The following HAT1 variants were observed in gnomAD, a reference collection of about 807,000 sequenced individuals.
The protein encoded by HAT1 is histone acetyltransferase type B catalytic subunit.
HAT1 carries 20 observed loss-of-function variants against 56.6 expected under a neutral mutation model. That is an observed-to-expected ratio of 0.35 (90% CI 0.25 to 0.51). HAT1 has a LOEUF of 0.51. Ranked by LOEUF, HAT1 falls within the 20% of genes least tolerant of loss-of-function variation. The probability of loss-of-function intolerance (pLI) is 0.95; values close to 1 mark genes in which losing one functional copy is unlikely to be tolerated. For missense variants in HAT1, 408 were observed against 504.3 expected, an observed-to-expected ratio of 0.81 and a Z score of 1.83; for synonymous variants, 146 against 165.5, an observed-to-expected ratio of 0.88 and a Z score of 0.91.
intron 1 of HAT1, chr2:171,922,766 G>C (rs1686474293): frequency 5.1e-6 from 2 of 393,618 alleles, no homozygotes; most frequent in South Asian, 1.4e-4. Flanking sequence ...AGACGCCAGG[G>C]AAAAGCGTCA....
intron 2 of HAT1, among the ~76,000 whole-genome samples, chr2:171,937,182 T>C (rs1686891948): frequency 6.6e-6 from 1 of 152,218 alleles, no homozygotes; most frequent in African/African-American, 2.4e-5. Context: ...CTTGAACTCT[T>C]ATGTATTTAT....
intron 8 of HAT1, among the ~76,000 whole-genome samples, chr2:171,967,286 A>G (rs1298480399): frequency 6.6e-6 from 1 of 152,212 alleles, no homozygotes; most frequent in Non-Finnish European, 1.5e-5. Flanking sequence ...GGCAGCCTGC[A>G]CTTTAATTTA....
Position 171,970,468 on chromosome 2 carries a change from G to GTT in HAT1, c.823+3521_823+3522dup, listed in dbSNP as rs1185253075. ...CCATACACACATACACTAAATGTTA[G>GTT]TTTAAATCAGTATTAGCAATGCAGT... On this transcript the variant is annotated intron_variant, in intron 8 of 10. Transcript: ENST00000264108. 4.7e-5 allele frequency among the ~76,000 whole-genome samples: 6 copies of GTT among 127,784 alleles called. No individual in the cohort carries two copies. The East Asian group carries it at 1.6e-3, about 34-fold the overall frequency. The allele number at this position is 127,784 out of a possible 152,430, so 83.8% of individuals were successfully genotyped here. A position where few individuals can be genotyped will look rare whatever the true frequency, so the allele number is the denominator to read the frequency against.
intron 2 of HAT1, among the ~76,000 whole-genome samples, chr2:171,946,047 A>C (rs143653758): frequency 6.6e-6 from 1 of 151,868 alleles, no homozygotes; most frequent in Non-Finnish European, 1.5e-5. Flanking sequence ...CAGATGATCC[A>C]CCTGCCTTGG....
intron 2 of HAT1, among the ~76,000 whole-genome samples, chr2:171,930,980 G>A (rs528938019): frequency 6.6e-6 from 1 of 152,052 alleles, no homozygotes; most frequent in Admixed American, 6.6e-5. Flanking sequence ...ACCTGTTAAT[G>A]AAGAAAGTCA....
chr2:171,978,494 A>C (rs1574070578), intron 9 of HAT1, among the ~76,000 whole-genome samples: 1 of 152,222 alleles, frequency 6.6e-6, no homozygotes, highest in East Asian at 1.9e-4. Flanking sequence ...TTGCCCTTAG[A>C]CTAGAATTTT....
chr2:171,931,757 A>G (rs1686753686), intron 2 of HAT1, among the ~76,000 whole-genome samples: 1 of 152,098 alleles, frequency 6.6e-6, no homozygotes, highest in Admixed American at 6.5e-5. Flanking sequence ...TCTCATGTTG[A>G]TCCGTAATTG....
At chr2:171,940,526 A>G (rs1418802147) in intron 2 of HAT1, among the ~76,000 whole-genome samples, 1 of 152,230 alleles carries the variant, frequency 6.6e-6, no homozygotes, top group African/African-American at 2.4e-5. Flanking sequence ...CCAGTAGTAA[A>G]GGGCTTCTTA....
chr2:171,955,898 A>G (rs1254941958), intron 4 of HAT1, among the ~76,000 whole-genome samples: 1 of 151,756 alleles, frequency 6.6e-6, no homozygotes, highest in Non-Finnish European at 1.5e-5. Context: ...TACAAAAATT[A>G]GCCCGGCATG....
Position 171,954,485 on chromosome 2 carries a change from A to G in HAT1, c.309+1484A>G, listed in dbSNP as rs553724337. 7.2e-5 allele frequency among the ~76,000 whole-genome samples: 11 copies of G among 152,306 alleles called. No homozygotes were observed. The South Asian group carries it at 2.1e-3, about 29-fold the overall frequency. On this transcript the variant is annotated intron_variant, in intron 4 of 10. Coordinates refer to ENST00000264108, the MANE Select transcript of HAT1 (RefSeq NM_003642.4). ...CGGATCACCTGAGGTCAGGAGTTTGAGACCAGCCTGGCCAACATGGCAAAA... is the reference window on the plus strand; with the variant it reads ...CGGATCACCTGAGGTCAGGAGTTTGGGACCAGCCTGGCCAACATGGCAAAA...
Position 171,965,913 on chromosome 2 carries a change from G to T in HAT1, c.611+5G>T, listed in dbSNP as rs1324206027. 1 of 1,612,216 alleles carries T rather than the reference G, an allele frequency of 6.2e-7. No individual in the cohort carries two copies. The highest frequency in any genetic ancestry group is 1.7e-5 in the Admixed American group (1 of 59,872). On this transcript the variant is annotated splice_donor_5th_base_variant and intron_variant, in intron 6 of 10. Coordinates refer to ENST00000264108, the MANE Select transcript of HAT1 (RefSeq NM_003642.4). ...AAGATGGCACTACTTTCTAGTGTAAGTACAGTTCTAAAGCAACAGTAGACC... is the reference window on the plus strand; with the variant it reads ...AAGATGGCACTACTTTCTAGTGTAATTACAGTTCTAAAGCAACAGTAGACC...
At chr2:171,939,130 C>T (rs1165215974) in intron 2 of HAT1, among the ~76,000 whole-genome samples, 1 of 152,110 alleles carries the variant, frequency 6.6e-6, no homozygotes, top group Admixed American at 6.6e-5. Flanking sequence ...CTGACTTATT[C>T]AAAAATGGGT....
At chr2:171,944,182 G>A (rs769282815) in intron 2 of HAT1, among the ~76,000 whole-genome samples, 1 of 151,834 alleles carries the variant, frequency 6.6e-6, no homozygotes, top group Non-Finnish European at 1.5e-5. Context: ...ATCCAGTAAG[G>A]GATTGTGCAC....
chr2:171,933,377 A>G (rs1244808185), intron 2 of HAT1, among the ~76,000 whole-genome samples: 1 of 151,968 alleles, frequency 6.6e-6, no homozygotes, highest in Admixed American at 6.6e-5. Flanking sequence ...TTTTTTTAAG[A>G]TCTTTCTTTT....
intron 8 of HAT1, among the ~76,000 whole-genome samples, chr2:171,968,473 A>G (rs990719069): frequency 6.6e-6 from 1 of 152,124 alleles, no homozygotes; most frequent in African/African-American, 2.4e-5. Context: ...CCAACCAATA[A>G]AGTCCTTGAT....
At chr2:171,957,630 A>G (rs1687480294) in intron 4 of HAT1, among the ~76,000 whole-genome samples, 1 of 152,172 alleles carries the variant, frequency 6.6e-6, no homozygotes, top group South Asian at 2.1e-4. Context: ...GGATAGAATG[A>G]ATGTATTTTG....
chr2:171,965,939 T>A, intron 6 of HAT1, 31 bp downstream of exon 6: 1 of 1,579,988 alleles, frequency 6.3e-7, no homozygotes, highest in Non-Finnish European at 8.6e-7. Flanking sequence ...ACAGTAGACC[T>A]TATTACCTCC....
chr2:171,923,254 A>T (rs574006922), intron 1 of HAT1: 1 of 152,052 alleles, frequency 6.6e-6, no homozygotes, highest in South Asian at 2.1e-4. Flanking sequence ...TCGATTACTT[A>T]TCTTTTGAAG....
intron 2 of HAT1, among the ~76,000 whole-genome samples, chr2:171,941,492 C>A (rs1430855452): frequency 1.3e-5 from 2 of 152,150 alleles, no homozygotes; most frequent in African/African-American, 4.8e-5. Flanking sequence ...TGCAGTCAAA[C>A]CTCTCTGCTA....
Sources: allele counts gnomAD v4.1 joint callset (sites outside exome capture counted in the v4.1 genomes callset), GRCh38; gene constraint gnomAD v4.1.1; transcripts MANE v1.5; gene names NCBI Gene and HGNC (gene_info 2026-07-23, HGNC 2026-07-21).